DAB1: variants seen among roughly 807,000 people sequenced by gnomAD.
The protein encoded by DAB1 is disabled homolog 1.
Under a neutral mutation model 64.6 loss-of-function variants are expected in DAB1, and 15 were observed. That is an observed-to-expected ratio of 0.23 (90% CI 0.16 to 0.36). The LOEUF (loss-of-function observed/expected upper bound fraction) is 0.36, where lower values mean the gene tolerates loss of function less well. Among genes scored for constraint, DAB1 ranks in the 10% least tolerant of loss-of-function variants. The probability of loss-of-function intolerance (pLI) is 1.00; values close to 1 mark genes in which losing one functional copy is unlikely to be tolerated. For synonymous variants in DAB1, 235 were observed against 251.9 expected (o/e 0.93, Z 0.64); for missense variants, 596 against 706.7 (o/e 0.84, Z 1.78).
chr1:57,288,119 T>C (rs971884448), intron 2 of DAB1, among the ~76,000 whole-genome samples: 1 of 152,212 alleles, frequency 6.6e-6, no homozygotes, highest in Non-Finnish European at 1.5e-5. Context: ...TTAATATACA[T>C]GTGCCTTGGC....
chr1:57,842,817 G>A (rs1416390447), intron 1 of DAB1, among the ~76,000 whole-genome samples: 2 of 152,188 alleles, frequency 1.3e-5, no homozygotes, highest in East Asian at 3.8e-4. Flanking sequence ...AGATTTGGGT[G>A]GGGACACAGA....
chr1:58,314,180 G>T (rs999989035), intron 4 of DAB1, among the ~76,000 whole-genome samples: 1 of 152,042 alleles, frequency 6.6e-6, no homozygotes, highest in African/African-American at 2.4e-5. Flanking sequence ...AGATATGGGG[G>T]TCTGTTCTAA....
intron 9 of DAB1, among the ~76,000 whole-genome samples, chr1:57,041,599 A>T (rs530919495): frequency 6.6e-6 from 1 of 152,330 alleles, no homozygotes; most frequent in South Asian, 2.1e-4. Context: ...AACATTAGGG[A>T]AATATCCATC....
chr1:57,442,564 A>C (rs1422216163), intron 7 of DAB1, among the ~76,000 whole-genome samples: 1 of 152,208 alleles, frequency 6.6e-6, no homozygotes, highest in Non-Finnish European at 1.5e-5. Context: ...CACTAATCAT[A>C]AAATTTCCTG....
chr1:57,617,325 G>A (rs949975983), intron 7 of DAB1, among the ~76,000 whole-genome samples: 7 of 151,976 alleles, frequency 4.6e-5, no homozygotes, highest in African/African-American at 1.7e-4. Context: ...ACACTGCAGT[G>A]GCCCAGGTTG....
intron 7 of DAB1, among the ~76,000 whole-genome samples, chr1:57,458,293 C>T (rs1190849389): frequency 6.6e-6 from 1 of 152,022 alleles, no homozygotes; most frequent in Non-Finnish European, 1.5e-5. Flanking sequence ...TAATGCTTTG[C>T]TGTTGCTCAT....
intron 7 of DAB1, among the ~76,000 whole-genome samples, chr1:57,625,379 A>G (rs1443038801): frequency 6.6e-6 from 1 of 151,812 alleles, no homozygotes; most frequent in East Asian, 1.9e-4. Context: ...CACCGCGTCT[A>G]TAGGGACAGG....
rs761378075 is a variant in DAB1 at position 57,015,260 on chromosome 1, G to T, written c.1067C>A (p.Thr356Asn). ...LFPATQQPWP[T>N]VAGQFPPAAF... ...GGCTGGCGGAAACTGCCCGGCCACA[G>T]TTGGCCAGGGCTGCTGAGTGGCAGG... The change falls in exon 12 of 15, where the codon ACT becomes AAT. Residue 356 changes from threonine (T) to asparagine (N), a missense_variant. This residue lies in a region of DAB1 where 377 missense variants were observed against 400.4 expected (regional missense o/e 0.94). Coordinates refer to ENST00000371236, the MANE Select transcript of DAB1 (RefSeq NM_001365792.1). 1.2e-6 allele frequency: 2 copies of T among 1,614,044 alleles called. No individual in the cohort carries two copies. Among genetic ancestry groups the T allele is most frequent in the Non-Finnish European group, 1.7e-6 (2 of 1,180,048 alleles).
Position 57,999,170 on chromosome 1 carries a change from C to T in DAB1, n.388-115008G>A, listed in dbSNP as rs148293356. Reference sequence around the variant, plus strand: ...CACTTATTAATCTGCTATCATGGGCCAGGGTCCTATGCTAAGTATCTTAAA... The same window carrying T: ...CACTTATTAATCTGCTATCATGGGCTAGGGTCCTATGCTAAGTATCTTAAA... On this transcript the variant is annotated intron_variant and non_coding_transcript_variant, in intron 5 of 20. Transcript: ENST00000485760. Among the ~76,000 whole-genome samples the T allele has an allele frequency of 9.2e-5, 14 of 152,270 alleles. No individual in the cohort carries two copies. In the East Asian group the frequency reaches 2.7e-3, roughly 29 times the overall value.
At chr1:57,257,519 A>AGATAG (rs1347885724) in intron 2 of DAB1, among the ~76,000 whole-genome samples, 2 of 152,242 alleles carry the variant, frequency 1.3e-5, no homozygotes, top group East Asian at 3.8e-4. Flanking sequence ...ACTGAGGCCA[A>AGATAG]GATAGGTGAT....
At chr1:57,261,152 G>T (rs887448132) in intron 2 of DAB1, among the ~76,000 whole-genome samples, 4 of 151,900 alleles carry the variant, frequency 2.6e-5, no homozygotes, top group Admixed American at 2.0e-4. Context: ...ACAAACCCCA[G>T]CCCTCTGGAG....
intron 3 of DAB1, among the ~76,000 whole-genome samples, chr1:58,403,070 T>A (rs1371072365): frequency 6.6e-6 from 1 of 151,802 alleles, no homozygotes; most frequent in Non-Finnish European, 1.5e-5. Context: ...AATTTCGACC[T>A]CAGAGACAGA....
chr1:57,272,832 G>C (rs987457163), intron 2 of DAB1, among the ~76,000 whole-genome samples: 1 of 152,174 alleles, frequency 6.6e-6, no homozygotes, highest in South Asian at 2.1e-4. Flanking sequence ...AGTGGGTTGG[G>C]TGTGGGGCGG....
intron 2 of DAB1, among the ~76,000 whole-genome samples, chr1:57,287,046 C>T (rs1445644519): frequency 1.3e-5 from 2 of 152,064 alleles, no homozygotes; most frequent in Non-Finnish European, 2.9e-5. Flanking sequence ...GAAAATAATA[C>T]ATAAAGGGGA....
At chr1:58,119,431 AG>A (rs1262611342) in intron 5 of DAB1, among the ~76,000 whole-genome samples, 1 of 152,212 alleles carries the variant, frequency 6.6e-6, no homozygotes, top group East Asian at 1.9e-4. Flanking sequence ...CAAGCCCAGC[AG>A]GGGGTATTAT....
chr1:58,191,433 A>G (rs1045488761), intron 4 of DAB1, among the ~76,000 whole-genome samples: 2 of 152,092 alleles, frequency 1.3e-5, no homozygotes, highest in African/African-American at 4.8e-5. Flanking sequence ...CAGAGTAGTG[A>G]AGGAAAGAAT....
At chr1:57,481,581 C>T (rs1644020876) in intron 7 of DAB1, among the ~76,000 whole-genome samples, 1 of 152,032 alleles carries the variant, frequency 6.6e-6, no homozygotes, top group African/African-American at 2.4e-5. Context: ...CTTTGGGAGG[C>T]CAAGGTGGGC....
chr1:57,296,863 A>T (rs1673231965), intron 1 of DAB1, among the ~76,000 whole-genome samples: 3 of 152,192 alleles, frequency 2.0e-5, no homozygotes, highest in Admixed American at 2.0e-4. Flanking sequence ...TCATCAACAG[A>T]TGCTAAGTCC....
At position 57,328,707 on chromosome 1, in the gene DAB1, T is replaced by C. The variant is rs143145206; in HGVS notation, c.-136-37541A>G. Among the ~76,000 whole-genome samples, 474 of 152,304 alleles carry C rather than the reference T, an allele frequency of 3.1e-3. 1 individual carries two copies. The highest frequency in any genetic ancestry group is 0.01 in the African/African-American group (430 of 41,574). On this transcript the variant is annotated intron_variant, in intron 1 of 14. Transcript: ENST00000371236. The stretch of plus-strand genomic sequence containing the variant: ...CAATTCTAGGTCTTTTGACTAACTG[T>C]CCTTTCTCTATATCACCACTTTGCA...
Sources: allele counts gnomAD v4.1 joint callset (sites outside exome capture counted in the v4.1 genomes callset), GRCh38; gene constraint gnomAD v4.1.1; regional missense constraint gnomAD v4.1.1; transcripts MANE v1.5; gene names NCBI Gene and HGNC (gene_info 2026-07-23, HGNC 2026-07-21).